The following PAK2 variants were observed in gnomAD, a reference collection of about 807,000 sequenced individuals.
PAK2 encodes the protein p21 (RAC1) activated kinase 2, also known as serine/threonine-protein kinase PAK 2.
A neutral mutation model predicts 65.9 loss-of-function variants in PAK2; 21 were observed. The ratio of observed to expected loss-of-function variants is 0.32; its 90% CI spans 0.23 to 0.46. The LOEUF (loss-of-function observed/expected upper bound fraction) is 0.46, where lower values mean the gene tolerates loss of function less well. PAK2 is among the 20% of genes least tolerant of loss of function. The pLI, the probability that PAK2 is intolerant of heterozygous loss-of-function variation, is 1.00. For missense variants in PAK2, 324 were observed against 642.6 expected, an observed-to-expected ratio of 0.50 and a Z score of 5.36; for synonymous variants, 204 against 219.7, an observed-to-expected ratio of 0.93 and a Z score of 0.63.
intron 14 of PAK2, chr3:196,827,542 G>A: frequency 1.7e-6 from 1 of 581,712 alleles, no homozygotes; most frequent in Non-Finnish European, 2.2e-6. Context: ...TCATAGGTGG[G>A]AATTGAACAA....
At chr3:196,757,978 C>A (rs1713824610) in intron 1 of PAK2, among the ~76,000 whole-genome samples, 1 of 152,146 alleles carries the variant, frequency 6.6e-6, no homozygotes, top group Non-Finnish European at 1.5e-5. Flanking sequence ...AGAGATAGAA[C>A]AGTGAATGTA....
chr3:196,814,916 A>C (rs1339185888), intron 11 of PAK2, among the ~76,000 whole-genome samples: 1 of 152,148 alleles, frequency 6.6e-6, no homozygotes, highest in East Asian at 1.9e-4. Flanking sequence ...GCGGTGGCTC[A>C]CGCCTGTAAT....
At chr3:196,782,462 G>A (rs76928734) in intron 1 of PAK2, among the ~76,000 whole-genome samples, 164 bp from the exon 2 acceptor site, 3,213 of 152,274 alleles carry the variant, frequency 0.021, 57 homozygotes, top group Middle Eastern at 0.068. Context: ...GTAAACTCAA[G>A]AGAGTTACAT....
intron 1 of PAK2, among the ~76,000 whole-genome samples, chr3:196,772,227 G>A (rs901509347): frequency 6.6e-6 from 1 of 152,254 alleles, no homozygotes; most frequent in Middle Eastern, 3.4e-3. Context: ...GCCTTATGTG[G>A]GAGGGACGCC....
intron 11 of PAK2, among the ~76,000 whole-genome samples, chr3:196,815,605 G>A (rs999085551): frequency 5.9e-5 from 9 of 151,898 alleles, no homozygotes; most frequent in East Asian, 1.9e-4. Context: ...TGACCAACAC[G>A]GTGAAACCCC....
chr3:196,821,731 C>T (rs763851162), intron 13 of PAK2, among the ~76,000 whole-genome samples: 10 of 152,128 alleles, frequency 6.6e-5, no homozygotes, highest in Non-Finnish European at 1.3e-4. Context: ...AACTAGAAAT[C>T]TCGTTCATTG....
At chr3:196,815,819 A>G (rs943223416) in intron 11 of PAK2, among the ~76,000 whole-genome samples, 1 of 152,126 alleles carries the variant, frequency 6.6e-6, no homozygotes, top group East Asian at 1.9e-4. Flanking sequence ...ACGCCACTCA[A>G]CCGTGGAAAC....
chr3:196,772,640 C>G (rs1013315028), intron 1 of PAK2, among the ~76,000 whole-genome samples: 1 of 152,174 alleles, frequency 6.6e-6, no homozygotes, highest in Admixed American at 6.5e-5. Context: ...TGAGAACACT[C>G]TTGCTTCAGA....
chr3:196,743,694 T>G (rs986208738), intron 1 of PAK2, among the ~76,000 whole-genome samples: 1 of 152,014 alleles, frequency 6.6e-6, no homozygotes, highest in African/African-American at 2.4e-5. Context: ...TACTATTCTT[T>G]AGTAGAGAAT....
Position 196,831,231 on chromosome 3 carries a change from C to T in PAK2, c.*2826C>T, listed in dbSNP as rs1355785433. On this transcript the variant is annotated 3_prime_UTR_variant, in exon 15 of 15. Coordinates refer to ENST00000327134, the MANE Select transcript of PAK2 (RefSeq NM_002577.4). ...TGCCTTTTATATTTACCCTTTTTGT[C>T]ATCACTTTAGAATGAAAATTCCCAT... 6.6e-6 allele frequency: 1 copy of T among 152,090 alleles called. No homozygotes were observed. The highest frequency in any genetic ancestry group is 1.5e-5 in the Non-Finnish European group (1 of 68,010). The allele number at this position is 152,090 out of a possible 1,614,324, so 9.4% of individuals were successfully genotyped here. A position where few individuals can be genotyped will look rare whatever the true frequency, so the allele number is the denominator to read the frequency against.
intron 1 of PAK2, among the ~76,000 whole-genome samples, chr3:196,742,061 A>C (rs945635239): frequency 2.0e-5 from 3 of 151,890 alleles, no homozygotes; most frequent in Non-Finnish European, 4.4e-5. Context: ...TTTATGATAG[A>C]CAGGTTCCCA....
At chr3:196,773,859 C>T (rs1458720188) in intron 1 of PAK2, among the ~76,000 whole-genome samples, 1 of 149,154 alleles carries the variant, frequency 6.7e-6, no homozygotes, top group Non-Finnish European at 1.5e-5. Context: ...GCGACAGAAT[C>T]TCAAAAAAAA....
At chr3:196,754,153 T>C (rs843530) in intron 1 of PAK2, among the ~76,000 whole-genome samples, 70,838 of 151,984 alleles carry the variant, frequency 0.47, 16,967 homozygotes, top group Non-Finnish European at 0.53. Flanking sequence ...TCATCCTGGT[T>C]TCTTCTCTCC....
intron 1 of PAK2, among the ~76,000 whole-genome samples, chr3:196,775,110 G>A (rs1013619664): frequency 3.6e-4 from 55 of 152,068 alleles, no homozygotes; most frequent in African/African-American, 5.8e-4. Flanking sequence ...GAATTGTGGC[G>A]GCATGGTTGT....
intron 1 of PAK2, among the ~76,000 whole-genome samples, chr3:196,774,304 T>G (rs181654453): frequency 1.3e-3 from 193 of 152,318 alleles, no homozygotes; most frequent in Middle Eastern, 3.4e-3. Context: ...TTTATGTGCC[T>G]TTAGGCTAAC....
chr3:196,811,431 G>T (rs563195239), intron 8 of PAK2, among the ~76,000 whole-genome samples: 6 of 95,544 alleles, frequency 6.3e-5, no homozygotes, highest in Admixed American at 2.7e-4. Flanking sequence ...ACTCAGGCTG[G>T]AGTGCAGTGA....
At chr3:196,821,312 G>A (rs529694063) in intron 13 of PAK2, among the ~76,000 whole-genome samples, 1 of 151,958 alleles carries the variant, frequency 6.6e-6, no homozygotes, top group African/African-American at 2.4e-5. Flanking sequence ...GGGCGACAGG[G>A]TGAGACTCTG....
rs575711737 is a variant in PAK2 at position 196,769,686 on chromosome 3, A to AG, written c.-21-12938dup. 1.9e-4 allele frequency among the ~76,000 whole-genome samples: 29 copies of AG among 150,840 alleles called. No individual in the cohort carries two copies. The East Asian group carries it at 5.7e-3, about 29-fold the overall frequency. Reference sequence around the variant, plus strand: ...CAAAAAATTAGCTGGGCGTGGTGGTAGGCGCCTGCAGTTCCAGCTACTGGG... The same window carrying AG: ...CAAAAAATTAGCTGGGCGTGGTGGTAGGGCGCCTGCAGTTCCAGCTACTGGG... On this transcript the variant is annotated intron_variant, in intron 1 of 14. Coordinates refer to ENST00000327134, the MANE Select transcript of PAK2 (RefSeq NM_002577.4).
At chr3:196,750,365 G>T (rs1713533616) in intron 1 of PAK2, among the ~76,000 whole-genome samples, 1 of 151,994 alleles carries the variant, frequency 6.6e-6, no homozygotes, top group Non-Finnish European at 1.5e-5. Flanking sequence ...TACTTCTTTT[G>T]CAGATATTTT....
Sources: gnomAD v4.1 joint callset for allele counts (sites outside exome capture counted in the v4.1 genomes callset) on GRCh38, gnomAD v4.1.1 for gene constraint, MANE v1.5 for transcripts, NCBI Gene and HGNC (gene_info 2026-07-23, HGNC 2026-07-21) for gene names.